Variants in FBXO34 observed in about 807,000 individuals in gnomAD.
FBXO34 encodes the protein F-box only protein 34.
In FBXO34, 12 loss-of-function variants were observed where a neutral mutation model predicts 24.5. The observed-to-expected ratio is 0.49, with a 90% confidence interval of 0.31 to 0.79. FBXO34 has a LOEUF of 0.79. Ranked by LOEUF, FBXO34 falls within the 30% of genes least tolerant of loss-of-function variation. The pLI, the probability that FBXO34 is intolerant of heterozygous loss-of-function variation, is 0.04. For missense variants in FBXO34, 823 were observed against 857.7 expected (o/e 0.96, Z 0.51); for synonymous variants, 320 against 311.9 (o/e 1.03, Z -0.27).
chr14:55,331,386 A>G (rs1037570187), intron 1 of FBXO34, among the ~76,000 whole-genome samples: 2 of 152,080 alleles, frequency 1.3e-5, no homozygotes, highest in Admixed American at 1.3e-4. Flanking sequence ...TATGAATTAT[A>G]TCCAAAAGAA....
the FBXO34 span, among the ~76,000 whole-genome samples, chr14:55,421,254 T>C: frequency 6.6e-6 from 1 of 151,814 alleles, no homozygotes; most frequent in Non-Finnish European, 1.5e-5. Context: ...TGTGTTTCCC[T>C]AAGTAGGGTA....
downstream of FBXO34, among the ~76,000 whole-genome samples, chr14:55,373,286 A>C (rs1884857196): frequency 6.6e-6 from 1 of 152,178 alleles, no homozygotes. Context: ...CTACCAATTA[A>C]GGCAACAAAA....
At chr14:55,341,636 T>C (rs1883994946) in intron 1 of FBXO34, among the ~76,000 whole-genome samples, 1 of 152,244 alleles carries the variant, frequency 6.6e-6, no homozygotes, top group African/African-American at 2.4e-5. Context: ...TCAATGTATT[T>C]TTCAAAATGT....
At chr14:55,402,217 T>C in the FBXO34 span, among the ~76,000 whole-genome samples, 45 of 152,176 alleles carry the variant, frequency 3.0e-4, no homozygotes, top group Middle Eastern at 3.2e-3. Context: ...TTTCATAACA[T>C]AACTCTCACC....
chr14:55,379,429 C>T, the FBXO34 span, among the ~76,000 whole-genome samples: 1 of 152,040 alleles, frequency 6.6e-6, no homozygotes, highest in African/African-American at 2.4e-5. Context: ...GTGGTCCCAG[C>T]AACTCGGGAG....
chr14:55,286,115 A>G (rs556794277), intron 1 of FBXO34, among the ~76,000 whole-genome samples: 13 of 152,302 alleles, frequency 8.5e-5, no homozygotes, highest in African/African-American at 2.9e-4. Flanking sequence ...CTTCCAATCA[A>G]TAACTTAGAA....
chr14:55,414,917 A>G, the FBXO34 span, among the ~76,000 whole-genome samples: 9 of 152,238 alleles, frequency 5.9e-5, no homozygotes, highest in Non-Finnish European at 1.3e-4. Context: ...TAAATTTAAA[A>G]GAGTTTTAAA....
chr14:55,414,050 T>G, the FBXO34 span: 2 of 550,340 alleles, frequency 3.6e-6, no homozygotes, highest in Non-Finnish European at 7.1e-6. Context: ...TTTCCCTTTG[T>G]GTTCGTCATT....
At chr14:55,378,898 A>G in the FBXO34 span, among the ~76,000 whole-genome samples, 1 of 151,834 alleles carries the variant, frequency 6.6e-6, no homozygotes, top group Non-Finnish European at 1.5e-5. Context: ...AGTAGCGACA[A>G]GGTCTCACTA....
chr14:55,438,003 G>C, the FBXO34 span, among the ~76,000 whole-genome samples: 1 of 152,152 alleles, frequency 6.6e-6, no homozygotes, highest in Non-Finnish European at 1.5e-5. Context: ...GTGCACCTGA[G>C]GAAAGCAACT....
intron 1 of FBXO34, among the ~76,000 whole-genome samples, chr14:55,331,823 G>T (rs12895910): frequency 0.99 from 25,195 of 25,428 alleles, 12,586 homozygotes; most frequent in Middle Eastern, 1. Context: ...TACACCACCG[G>T]GGTGTATATA....
chr14:55,299,362 A>T, intron 1 of FBXO34: 1 of 340,602 alleles, frequency 2.9e-6, no homozygotes, highest in Non-Finnish European at 5.6e-6. Context: ...CGCTCTCTGC[A>T]TAGCATGGTC....
At chr14:55,312,055 C>G (rs958704548) in intron 1 of FBXO34, among the ~76,000 whole-genome samples, 1 of 151,804 alleles carries the variant, frequency 6.6e-6, no homozygotes, top group Non-Finnish European at 1.5e-5. Flanking sequence ...CAAAAATTAG[C>G]TGGGTGTGGT....
intron 1 of FBXO34, among the ~76,000 whole-genome samples, chr14:55,349,798 G>A (rs945993662): frequency 6.6e-6 from 1 of 151,726 alleles, no homozygotes; most frequent in Non-Finnish European, 1.5e-5. Context: ...GTAAAGACAG[G>A]GTTTTCCCAT....
intron 1 of FBXO34, among the ~76,000 whole-genome samples, chr14:55,336,979 ATTTTT>A (rs10573228): frequency 7.3e-6 from 1 of 136,948 alleles, no homozygotes; most frequent in Non-Finnish European, 1.6e-5. Flanking sequence ...TTTTTATTTT[ATTTTT>A]TTTTTTTTTT....
chr14:55,393,118 A>G, the FBXO34 span, among the ~76,000 whole-genome samples: 1 of 152,204 alleles, frequency 6.6e-6, no homozygotes, highest in Non-Finnish European at 1.5e-5. Flanking sequence ...GCGGTGGCTC[A>G]CGCCTGTAAT....
At chr14:55,382,230 G>A in the FBXO34 span, 1 of 1,581,868 alleles carries the variant, frequency 6.3e-7, no homozygotes, top group Non-Finnish European at 8.7e-7. Flanking sequence ...TCAAGAGAGA[G>A]GGTTTTTAAG....
chr14:55,439,684 A>C, the FBXO34 span, among the ~76,000 whole-genome samples: 174 of 148,100 alleles, frequency 1.2e-3, 1 homozygote, highest in African/African-American at 4.1e-3. Flanking sequence ...TAATCCCAGC[A>C]CTTTGGGAGG....
chr14:55,349,610 T>TC (rs1041426550), intron 1 of FBXO34, among the ~76,000 whole-genome samples: 21 of 146,334 alleles, frequency 1.4e-4, no homozygotes, highest in African/African-American at 4.8e-4. Context: ...TAATTTTCTT[T>TC]TTTTTTTTTT....
Sources: allele counts gnomAD v4.1 joint callset (sites outside exome capture counted in the v4.1 genomes callset), GRCh38; gene constraint gnomAD v4.1.1; transcripts MANE v1.5; gene names NCBI Gene and HGNC (gene_info 2026-07-23, HGNC 2026-07-21).